The following NTRK2 variants were observed in gnomAD, a reference collection of about 807,000 sequenced individuals.
NTRK2 encodes the protein BDNF/NT-3 growth factors receptor.
NTRK2 carries 13 observed loss-of-function variants against 94.5 expected under a neutral mutation model. The ratio of observed to expected loss-of-function variants is 0.14; its 90% CI spans 0.09 to 0.22. NTRK2 has a LOEUF of 0.22. NTRK2 is among the 10% of genes least tolerant of loss of function. The pLI is 1.00. For synonymous variants in NTRK2, 372 were observed against 407.4 expected, an observed-to-expected ratio of 0.91 and a Z score of 1.05; for missense variants, 639 against 1,071.2, an observed-to-expected ratio of 0.60 and a Z score of 5.63.
intron 14 of NTRK2, among the ~76,000 whole-genome samples, chr9:84,888,397 T>C (rs900930070): frequency 2.0e-5 from 3 of 150,058 alleles, no homozygotes; most frequent in African/African-American, 7.4e-5. Context: ...GATCACAAGG[T>C]CAAGAGACCG....
intron 17 of NTRK2, among the ~76,000 whole-genome samples, chr9:84,970,643 A>G (rs1826083960): frequency 6.6e-6 from 1 of 152,208 alleles, no homozygotes; most frequent in South Asian, 2.1e-4. Context: ...CTGTGAATTC[A>G]GCCCACATTA....
intron 9 of NTRK2, among the ~76,000 whole-genome samples, chr9:84,738,996 G>A (rs948949650): frequency 3.3e-5 from 5 of 151,984 alleles, no homozygotes; most frequent in African/African-American, 1.2e-4. Flanking sequence ...GCGCTGATAT[G>A]GGTCATAAGA....
chr9:84,851,375 G>A (rs765280476), intron 12 of NTRK2, among the ~76,000 whole-genome samples: 1 of 152,228 alleles, frequency 6.6e-6, no homozygotes, highest in East Asian at 1.9e-4. Context: ...TAGTTAATTC[G>A]TTTGACCAGC....
chr9:85,012,908 A>G (rs1235143479), intron 17 of NTRK2, among the ~76,000 whole-genome samples: 2 of 152,218 alleles, frequency 1.3e-5, no homozygotes, highest in Admixed American at 1.3e-4. Flanking sequence ...GTTAGCATTA[A>G]GGTCCAGCAC....
chr9:84,935,800 G>T (rs1172913650), intron 15 of NTRK2, among the ~76,000 whole-genome samples: 2 of 152,156 alleles, frequency 1.3e-5, no homozygotes, highest in Non-Finnish European at 2.9e-5. Context: ...AGCACAAAAT[G>T]TTCAGAACAT....
chr9:84,706,496 T>G (rs1199434619), intron 4 of NTRK2, among the ~76,000 whole-genome samples: 1 of 149,472 alleles, frequency 6.7e-6, no homozygotes, highest in Non-Finnish European at 1.5e-5. Context: ...ACTGTCACCC[T>G]CAGATCTCAT....
intron 2 of NTRK2, among the ~76,000 whole-genome samples, chr9:84,672,223 A>G (rs1019304909): frequency 6.6e-6 from 1 of 152,172 alleles, no homozygotes; most frequent in Non-Finnish European, 1.5e-5. Context: ...GCTGATGCTT[A>G]TGGTGTAAGC....
rs1833029738 is a variant in NTRK2, at chr9:85,026,233, A to T, written c.*4796A>T. ...AGCAACTATTTTGCCATCTTAACAT[A>T]CATCTCAGGAGACGAAATGAGAAAA... On this transcript the variant is annotated 3_prime_UTR_variant, in exon 19 of 19. Coordinates refer to ENST00000277120, the MANE Select transcript of NTRK2 (RefSeq NM_006180.6). 2 of 230,824 alleles carry T rather than the reference A, an allele frequency of 8.7e-6. No homozygotes were observed. Among genetic ancestry groups the T allele is most frequent in the Non-Finnish European group, 1.7e-5 (2 of 116,526 alleles). 14.3% of individuals were successfully genotyped at this position (230,824 alleles called of 1,614,324 possible).
intron 12 of NTRK2, among the ~76,000 whole-genome samples, chr9:84,831,584 G>C (rs1208146008): frequency 6.6e-6 from 1 of 152,184 alleles, no homozygotes; most frequent in Admixed American, 6.5e-5. Context: ...CAACATTCCT[G>C]TGAGGTAGAT....
intron 6 of NTRK2, among the ~76,000 whole-genome samples, chr9:84,719,388 T>G (rs1466870630): frequency 6.6e-6 from 1 of 152,186 alleles, no homozygotes; most frequent in Middle Eastern, 3.2e-3. Context: ...TCACTATAAT[T>G]AAATGCTTTT....
At position 84,948,735 on chromosome 9, in the gene NTRK2, C is replaced by T. The variant is rs1015814326; in HGVS notation, c.1937+101C>T. The T allele has an allele frequency of 8.2e-5, 81 of 991,892 alleles. No individual in the cohort carries two copies. In the African/African-American group the frequency reaches 8.6e-4, roughly 11 times the overall value. The allele number at this position is 991,892 out of a possible 1,614,324, so 61.4% of individuals were successfully genotyped here. A position where few individuals can be genotyped will look rare whatever the true frequency, so the allele number is the denominator to read the frequency against. ...GAACAAGGGACCCCTGGACCTTTCT[C>T]GAAGCATCTTATTTGATAATGACAC... On this transcript the variant is annotated intron_variant, in intron 16 of 18. Coordinates refer to ENST00000277120, the MANE Select transcript of NTRK2 (RefSeq NM_006180.6).
chr9:84,722,447 G>A lies in NTRK2; in HGVS notation c.584-1126G>A, dbSNP rs148620471. ...ATGTGAAGACGAAGGGTCAGATATTGCCAGGTGGGTGGGTTAATTGCAATT... is the reference window on the plus strand; with the variant it reads ...ATGTGAAGACGAAGGGTCAGATATTACCAGGTGGGTGGGTTAATTGCAATT... On this transcript the variant is annotated intron_variant, in intron 6 of 18. Coordinates refer to ENST00000277120, the MANE Select transcript of NTRK2 (RefSeq NM_006180.6). Among the ~76,000 whole-genome samples, 346 of 152,246 alleles carry A rather than the reference G, an allele frequency of 2.3e-3. 2 individuals carry two copies. Among genetic ancestry groups the A allele is most frequent in the African/African-American group, 7.5e-3 (310 of 41,536 alleles).
intron 9 of NTRK2, among the ~76,000 whole-genome samples, chr9:84,732,483 G>A (rs779145536): frequency 5.9e-5 from 9 of 152,150 alleles, no homozygotes; most frequent in Admixed American, 3.3e-4. Context: ...TCACTGATTG[G>A]AGGAGAACTC....
intron 12 of NTRK2, among the ~76,000 whole-genome samples, chr9:84,777,407 A>C (rs2067154955): frequency 1.3e-5 from 2 of 152,176 alleles, no homozygotes; most frequent in African/African-American, 2.4e-5. Context: ...GTTGTCCCTA[A>C]ATGGGTTATC....
At chr9:84,901,063 A>C (rs960592229) in intron 14 of NTRK2, among the ~76,000 whole-genome samples, 3 of 152,174 alleles carry the variant, frequency 2.0e-5, no homozygotes, top group Non-Finnish European at 2.9e-5. Flanking sequence ...AAAATGGATA[A>C]CTACAGGTTA....
At chr9:84,962,336 C>T (rs1825041968) in intron 17 of NTRK2, among the ~76,000 whole-genome samples, 1 of 152,264 alleles carries the variant, frequency 6.6e-6, no homozygotes, top group South Asian at 2.1e-4. Context: ...TCCTCAGAGC[C>T]TTTAATCTAT....
chr9:84,717,383 T>C (rs2061768179), intron 6 of NTRK2, among the ~76,000 whole-genome samples: 1 of 152,198 alleles, frequency 6.6e-6, no homozygotes, highest in African/African-American at 2.4e-5. Context: ...TAAGAGAAAG[T>C]GAGGGCCTAC....
chr9:84,934,372 G>T (rs895571477), intron 15 of NTRK2, 80 bp downstream of exon 15: 3 of 1,498,450 alleles, frequency 2.0e-6, no homozygotes, highest in Admixed American at 3.4e-5. Flanking sequence ...ATTATATTTT[G>T]GTGGCCAATG....
At chr9:84,766,675 AACAC>A (rs1055803369) in intron 12 of NTRK2, among the ~76,000 whole-genome samples, 1 of 148,812 alleles carries the variant, frequency 6.7e-6, no homozygotes, top group African/African-American at 2.6e-5. Flanking sequence ...TCAACACACA[AACAC>A]ACACACATAA....
Sources: allele counts gnomAD v4.1 joint callset (sites outside exome capture counted in the v4.1 genomes callset), GRCh38; gene constraint gnomAD v4.1.1; transcripts MANE v1.5; gene names NCBI Gene and HGNC (gene_info 2026-07-23, HGNC 2026-07-21).